The following STK3 variants were observed in gnomAD, a reference collection of about 807,000 sequenced individuals.
The protein encoded by STK3 is serine/threonine-protein kinase 3.
A neutral mutation model predicts 58.0 loss-of-function variants in STK3; 41 were observed. The ratio of observed to expected loss-of-function variants is 0.71; its 90% CI spans 0.55 to 0.92. The LOEUF (loss-of-function observed/expected upper bound fraction) is 0.92. Among genes scored for constraint, STK3 ranks in the 40% least tolerant of loss-of-function variants. The probability of loss-of-function intolerance (pLI) is 0.00; values close to 1 mark genes in which losing one functional copy is unlikely to be tolerated. For synonymous variants in STK3, 170 were observed against 191.0 expected (o/e 0.89, Z 0.91); for missense variants, 479 against 602.7 (o/e 0.79, Z 2.15).
intron 10 of STK3, among the ~76,000 whole-genome samples, chr8:98,485,450 T>C (rs1822178275): frequency 6.6e-6 from 1 of 152,172 alleles, no homozygotes; most frequent in Non-Finnish European, 1.5e-5. Context: ...AGACAGTCCT[T>C]CTTCTCAAAG....
At chr8:98,831,254 A>T (rs1835525152) in intron 3 of STK3, among the ~76,000 whole-genome samples, 2 of 152,178 alleles carry the variant, frequency 1.3e-5, no homozygotes. Context: ...TTGTCATACT[A>T]GTTGCAGCTA....
chr8:98,583,674 G>C (rs1814142752), intron 7 of STK3, among the ~76,000 whole-genome samples: 1 of 152,140 alleles, frequency 6.6e-6, no homozygotes, highest in Admixed American at 6.6e-5. Context: ...AGCTAAGGCA[G>C]CTTCTTGCGT....
In STK3 at chr8:98,706,643, A is replaced by T; in HGVS notation, c.517-9T>A. 6.4e-7 allele frequency: 1 copy of T among 1,573,950 alleles called. No individual in the cohort carries two copies. The highest frequency in any genetic ancestry group is 1.4e-5 in the African/African-American group (1 of 73,306). On this transcript the variant is annotated splice_polypyrimidine_tract_variant and intron_variant, in intron 5 of 10. Transcript: ENST00000419617. ...CGTTTTGCCATTGTATCCTGCAATA[A>T]TGTTACATAGCCATAAATGCTACTA...
intron 6 of STK3, among the ~76,000 whole-genome samples, chr8:98,697,516 C>T (rs1367136997): frequency 2.6e-5 from 4 of 152,340 alleles, no homozygotes; most frequent in Non-Finnish European, 4.4e-5. Flanking sequence ...TTTCACTCTA[C>T]ACACTGCTTT....
chr8:98,875,304 G>A (rs1273820593), intron 3 of STK3: 2 of 152,172 alleles, frequency 1.3e-5, no homozygotes, highest in Admixed American at 1.3e-4. Context: ...AGGTATCTTA[G>A]GTACTGTGGC....
intron 3 of STK3, among the ~76,000 whole-genome samples, chr8:98,843,671 T>C (rs1836082046): frequency 6.6e-6 from 1 of 152,220 alleles, no homozygotes; most frequent in Non-Finnish European, 1.5e-5. Flanking sequence ...CAGGCAATGA[T>C]TTAGTTTACG....
At chr8:98,444,654 A>C (rs1294438968) in intron 1 of STK3, among the ~76,000 whole-genome samples, 1 of 152,164 alleles carries the variant, frequency 6.6e-6, no homozygotes, top group Non-Finnish European at 1.5e-5. Flanking sequence ...ATTGGATGGA[A>C]GATGGTGGCA....
At chr8:98,819,264 C>T (rs1834742361) in intron 1 of STK3, among the ~76,000 whole-genome samples, 1 of 152,034 alleles carries the variant, frequency 6.6e-6, no homozygotes, top group Non-Finnish European at 1.5e-5. Flanking sequence ...ATGTGTGGGT[C>T]TGTACTGAGT....
At chr8:98,808,116 T>C (rs976457855) in intron 1 of STK3, among the ~76,000 whole-genome samples, 12 of 152,226 alleles carry the variant, frequency 7.9e-5, no homozygotes, top group African/African-American at 2.4e-4. Context: ...GCAAAAATTA[T>C]GTAGAACAAT....
chr8:98,617,250 T>C (rs1265122353), intron 6 of STK3, among the ~76,000 whole-genome samples: 1 of 147,632 alleles, frequency 6.8e-6, no homozygotes, highest in Admixed American at 6.8e-5. Flanking sequence ...AATAAAGATG[T>C]TCTTTGAAAC....
intron 1 of STK3, among the ~76,000 whole-genome samples, chr8:98,893,461 A>T (rs1316456461): frequency 9.2e-6 from 1 of 108,460 alleles, no homozygotes; most frequent in East Asian, 2.6e-4. Flanking sequence ...AAAGAAAGAA[A>T]GAAAGAAAGA....
At chr8:98,909,129 C>G (rs182240356) in intron 1 of STK3, among the ~76,000 whole-genome samples, 5 of 152,318 alleles carry the variant, frequency 3.3e-5, no homozygotes, top group Admixed American at 2.0e-4. Context: ...CCACTGCACT[C>G]TAGCCTGGGC....
intron 3 of STK3, among the ~76,000 whole-genome samples, chr8:98,761,038 T>G (rs1191220078): frequency 6.6e-6 from 1 of 152,060 alleles, no homozygotes; most frequent in African/African-American, 2.4e-5. Flanking sequence ...AAATATGGAA[T>G]CAATCTAAGT....
At chr8:98,358,829 A>G in the STK3 span, among the ~76,000 whole-genome samples, 1 of 152,220 alleles carries the variant, frequency 6.6e-6, no homozygotes, top group East Asian at 1.9e-4. Context: ...AGACATTTTG[A>G]GAAAGTGTTG....
At chr8:98,457,351 C>T (rs1029132783) in intron 10 of STK3, among the ~76,000 whole-genome samples, 3 of 152,190 alleles carry the variant, frequency 2.0e-5, no homozygotes, top group African/African-American at 4.8e-5. Flanking sequence ...CTGTACACAT[C>T]GGTAATGGCC....
intron 6 of STK3, among the ~76,000 whole-genome samples, chr8:98,652,197 A>C (rs1409817580): frequency 6.6e-6 from 1 of 152,232 alleles, no homozygotes; most frequent in East Asian, 1.9e-4. Flanking sequence ...AAAGAAAAGA[A>C]TTTTCAAACC....
At chr8:98,823,359 A>C (rs1016359418) in intron 1 of STK3, among the ~76,000 whole-genome samples, 3 of 152,346 alleles carry the variant, frequency 2.0e-5, no homozygotes, top group Middle Eastern at 3.4e-3. Flanking sequence ...TATAAGGATT[A>C]AGAGCAGAAT....
chr8:98,551,710 T>C (rs1320405767), intron 8 of STK3, among the ~76,000 whole-genome samples: 1 of 152,120 alleles, frequency 6.6e-6, no homozygotes, highest in African/African-American at 2.4e-5. Flanking sequence ...GTTCTCCCCA[T>C]TTTTCCTTTA....
intron 6 of STK3, among the ~76,000 whole-genome samples, chr8:98,622,758 A>G (rs1020710401): frequency 6.6e-6 from 1 of 152,200 alleles, no homozygotes; most frequent in African/African-American, 2.4e-5. Context: ...GTTTTAGTAT[A>G]TTTTTAGCTT....
Sources: gnomAD v4.1 joint callset for allele counts (sites outside exome capture counted in the v4.1 genomes callset) on GRCh38, gnomAD v4.1.1 for gene constraint, MANE v1.5 for transcripts, NCBI Gene and HGNC (gene_info 2026-07-23, HGNC 2026-07-21) for gene names.